Variants in SCAPER observed in about 807,000 individuals in gnomAD.
The protein encoded by SCAPER is S-phase cyclin A associated protein in the ER.
Under a neutral mutation model 182.2 loss-of-function variants are expected in SCAPER, and 98 were observed. The ratio of observed to expected loss-of-function variants is 0.54; its 90% CI spans 0.46 to 0.64. SCAPER has a LOEUF of 0.64. SCAPER is among the 30% of genes least tolerant of loss of function. SCAPER has a pLI of 0.00. For synonymous variants in SCAPER, 605 were observed against 564.6 expected (o/e 1.07, Z -1.01); for missense variants, 1,432 against 1,690.0 (o/e 0.85, Z 2.68).
At chr15:76,362,511 C>T (rs915429600) in intron 29 of SCAPER, among the ~76,000 whole-genome samples, 22 of 151,212 alleles carry the variant, frequency 1.5e-4, no homozygotes, top group Non-Finnish European at 3.2e-4. Flanking sequence ...CTGCTGGGTT[C>T]AAGCAATTCT....
At chr15:76,766,043 TA>T (rs1247588846) in intron 11 of SCAPER, among the ~76,000 whole-genome samples, 1 of 152,112 alleles carries the variant, frequency 6.6e-6, no homozygotes, top group Non-Finnish European at 1.5e-5. Flanking sequence ...ATATATATCC[TA>T]AGCACTTAGT....
At chr15:76,712,794 C>G (rs2059662232) in intron 17 of SCAPER, among the ~76,000 whole-genome samples, 1 of 151,618 alleles carries the variant, frequency 6.6e-6, no homozygotes, top group East Asian at 1.9e-4. Flanking sequence ...ATTTTGTATC[C>G]TGAGACTTTG....
intron 5 of SCAPER, among the ~76,000 whole-genome samples, chr15:76,840,952 T>A (rs188897743): frequency 4.6e-5 from 7 of 152,336 alleles, no homozygotes; most frequent in Non-Finnish European, 1.0e-4. Flanking sequence ...AATCTCACTT[T>A]TCCCTGACCA....
intron 22 of SCAPER, among the ~76,000 whole-genome samples, chr15:76,580,550 C>CTCAA (rs1484401932): frequency 6.6e-6 from 1 of 152,020 alleles, no homozygotes; most frequent in African/African-American, 2.4e-5. Context: ...AAGCCAGGAG[C>CTCAA]TTGAGGCTAG....
chr15:76,859,408 A>G (rs1459131649), intron 3 of SCAPER, among the ~76,000 whole-genome samples: 1 of 152,254 alleles, frequency 6.6e-6, no homozygotes, highest in African/African-American at 2.4e-5. Context: ...CCAGCTTAGA[A>G]TAAGCACAAG....
chr15:76,640,839 G>T (rs561526727), intron 21 of SCAPER, among the ~76,000 whole-genome samples: 462 of 152,310 alleles, frequency 3.0e-3, no homozygotes, highest in African/African-American at 0.011. Context: ...GCCAGAATAA[G>T]CCAACAGCAC....
chr15:76,671,594 G>A (rs1195320457), intron 20 of SCAPER, among the ~76,000 whole-genome samples: 2 of 151,672 alleles, frequency 1.3e-5, no homozygotes, highest in South Asian at 2.1e-4. Flanking sequence ...ACGGTGAAAC[G>A]CCGTCTCTAC....
At chr15:76,565,385 T>C (rs2046966734) in intron 23 of SCAPER, among the ~76,000 whole-genome samples, 1 of 152,170 alleles carries the variant, frequency 6.6e-6, no homozygotes, top group Non-Finnish European at 1.5e-5. Flanking sequence ...CAGACACTTT[T>C]GTAAAGAAGA....
chr15:76,468,011 G>T (rs1469408016), intron 25 of SCAPER, among the ~76,000 whole-genome samples: 1 of 151,996 alleles, frequency 6.6e-6, no homozygotes, highest in African/African-American at 2.4e-5. Flanking sequence ...CTTCTTTTAT[G>T]CTTTTTTCTA....
intron 25 of SCAPER, among the ~76,000 whole-genome samples, chr15:76,445,365 T>C (rs2047925641): frequency 6.6e-6 from 1 of 152,250 alleles, no homozygotes; most frequent in Admixed American, 6.5e-5. Context: ...GGTTGAGATT[T>C]TCCTGGTTCT....
At chr15:76,707,244 A>C (rs2059310399) in intron 17 of SCAPER, among the ~76,000 whole-genome samples, 1 of 152,162 alleles carries the variant, frequency 6.6e-6, no homozygotes, top group Admixed American at 6.6e-5. Context: ...TGAGACATAG[A>C]AAACAAATAT....
At chr15:76,568,274 C>T (rs952814449) in intron 23 of SCAPER, among the ~76,000 whole-genome samples, 3 of 150,304 alleles carry the variant, frequency 2.0e-5, no homozygotes, top group Admixed American at 2.0e-4. Flanking sequence ...TTCTTTTTCT[C>T]CGTCTTGTCT....
intron 24 of SCAPER, among the ~76,000 whole-genome samples, chr15:76,492,997 G>T (rs1294098747): frequency 1.3e-5 from 2 of 151,426 alleles, no homozygotes; most frequent in African/African-American, 2.4e-5. Context: ...TATCTACAAT[G>T]CCTTCCCTGT....
intron 25 of SCAPER, among the ~76,000 whole-genome samples, chr15:76,450,088 G>T (rs2048272614): frequency 6.6e-6 from 1 of 152,162 alleles, no homozygotes; most frequent in Non-Finnish European, 1.5e-5. Flanking sequence ...GTAGTGATTT[G>T]GCCTGTGGAT....
intron 20 of SCAPER, among the ~76,000 whole-genome samples, chr15:76,685,761 G>A (rs1372873001): frequency 6.6e-6 from 1 of 151,930 alleles, no homozygotes; most frequent in East Asian, 1.9e-4. Flanking sequence ...TTGTTCTCCT[G>A]TGTAGGACAA....
chr15:76,557,127 G>A (rs1326474878), intron 23 of SCAPER, among the ~76,000 whole-genome samples: 1 of 152,044 alleles, frequency 6.6e-6, no homozygotes, highest in African/African-American at 2.4e-5. Context: ...AACAATGGAA[G>A]AACATTCCAT....
At chr15:76,476,391 C>T (rs2050630588) in intron 24 of SCAPER, among the ~76,000 whole-genome samples, 2 of 152,004 alleles carry the variant, frequency 1.3e-5, no homozygotes, top group South Asian at 4.2e-4. Flanking sequence ...CAACAATTTT[C>T]TTTTTCCTTC....
intron 15 of SCAPER, among the ~76,000 whole-genome samples, chr15:76,745,774 A>C (rs2061762701): frequency 3.9e-5 from 6 of 152,216 alleles, no homozygotes; most frequent in Non-Finnish European, 1.5e-5. Flanking sequence ...GACAAGTCAA[A>C]ATGTATGTAA....
chr15:76,409,557 G>C (rs575433076), intron 26 of SCAPER, among the ~76,000 whole-genome samples: 11 of 151,600 alleles, frequency 7.3e-5, no homozygotes, highest in Non-Finnish European at 1.5e-4. Context: ...TTCACTACAA[G>C]CCCAAACTTC....
Sources: gnomAD v4.1 joint callset for allele counts (sites outside exome capture counted in the v4.1 genomes callset) on GRCh38, gnomAD v4.1.1 for gene constraint, MANE v1.5 for transcripts, NCBI Gene and HGNC (gene_info 2026-07-23, HGNC 2026-07-21) for gene names.